Variants in HCFC1 observed in about 807,000 individuals in gnomAD.
The protein encoded by HCFC1 is host cell factor 1.
In HCFC1, 7 loss-of-function variants were observed where a neutral mutation model predicts 105.5. That is an observed-to-expected ratio of 0.07 (90% CI 0.04 to 0.12). HCFC1 has a LOEUF of 0.12. Among genes scored for constraint, HCFC1 ranks in the 10% least tolerant of loss-of-function variants. The pLI, the probability that HCFC1 is intolerant of heterozygous loss-of-function variation, is 1.00. For missense variants in HCFC1, 1,065 were observed against 1,823.6 expected, an observed-to-expected ratio of 0.58 and a Z score of 7.58; for synonymous variants, 918 against 828.1, an observed-to-expected ratio of 1.11 and a Z score of -1.86.
chrX:153,951,914 C>G lies in HCFC1; in HGVS notation c.5187G>C (p.Glu1729Asp). The G allele has an allele frequency of 8.4e-7, 1 of 1,190,696 alleles. No individual in the cohort carries two copies. The highest frequency in any genetic ancestry group is 1.1e-6 in the Non-Finnish European group (1 of 883,452). The change falls in exon 20 of 26, where the codon GAG becomes GAC. Residue 1729 changes from glutamate to aspartate, a missense_variant. Transcript: ENST00000310441. ...PADSLNDPAI[E>D]SNCLNELAGT... ...CGGCCAGCTCATTGAGGCAATTGCT[C>G]TCAATGGCTGGGTCGTTGAGACTGT... is the stretch of plus-strand genomic sequence containing the variant.
In HCFC1 at chrX:153,952,465, A is replaced by G. The variant is rs781923195; in HGVS notation, c.4942+49T>C. On this transcript the variant is annotated intron_variant, in intron 19 of 25. Transcript: ENST00000310441. ...TCTTCCCAGGCTGTCTCCGCGGCCTATTGCTCCCCCGAGCGGCCCGGCTTC... is the reference window on the plus strand; with the variant it reads ...TCTTCCCAGGCTGTCTCCGCGGCCTGTTGCTCCCCCGAGCGGCCCGGCTTC... 4.6e-6 allele frequency: 5 copies of G among 1,095,352 alleles called. No homozygotes were observed. The Admixed American group carries it at 1.2e-4, about 26-fold the overall frequency. The allele number at this position is 1,095,352 out of a possible 1,213,427, so 90.3% of individuals were successfully genotyped here.
At chrX:153,958,852 G>T in intron 9 of HCFC1, 86 bp from the exon 10 acceptor site, 1 of 715,593 alleles carries the variant, frequency 1.4e-6, no homozygotes. Context: ...CTGCCCAGGG[G>T]CTGCCCTGCT....
At chrX:153,965,645 C>T (rs1557118192) in intron 1 of HCFC1, among the ~76,000 whole-genome samples, 1 of 112,360 alleles carries the variant, frequency 8.9e-6, no homozygotes, top group Non-Finnish European at 1.9e-5. Flanking sequence ...GGTGAGATCT[C>T]AGCAAGCAGA....
intron 1 of HCFC1, among the ~76,000 whole-genome samples, chrX:153,968,767 G>A (rs1286791268): frequency 8.9e-6 from 1 of 112,973 alleles, no homozygotes; most frequent in Non-Finnish European, 1.9e-5. Flanking sequence ...TTCTAAAATT[G>A]CATTTCCCTG....
At chrX:153,953,843 C>T (rs2065341168) in intron 17 of HCFC1, 73 bp from the exon 18 acceptor site, 3 of 1,052,114 alleles carry the variant, frequency 2.9e-6, no homozygotes, top group Non-Finnish European at 3.8e-6. Context: ...CCACCACAGG[C>T]TTCCTCTACC....
At chrX:153,960,491 T>C (rs1178552752) in intron 6 of HCFC1, 77 bp from the exon 7 acceptor site, 1 of 703,621 alleles carries the variant, frequency 1.4e-6, no homozygotes, top group African/African-American at 2.2e-5. Flanking sequence ...TTGGTTCTTT[T>C]GTTGTCAAGG....
At chrX:153,957,675 G>A (rs1382114929) in intron 12 of HCFC1, 107 bp downstream of exon 12, 31 of 769,003 alleles carry the variant, frequency 4.0e-5, no homozygotes, top group Non-Finnish European at 4.9e-5. Context: ...AGAACTTGCT[G>A]AGCCATGTGT....
chrX:153,954,404 G>C lies in HCFC1; in HGVS notation c.3995C>G (p.Thr1332Arg). Reference protein sequence around the residue: ...CETHETGTTHTATTATSNGGT... With the variant: ...CETHETGTTHRATTATSNGGT... The stretch of plus-strand genomic sequence containing the variant: ...CCCGTTTGAAGTAGCGGTGGTGGCC[G>C]TGTGGGTGGTGCCCGTCTCGTGGGT... The change falls in exon 17 of 26, where the codon ACG becomes AGG. Residue 1332 changes from threonine to arginine, a missense_variant. Physicochemically the swap from Thr to Arg is moderately conservative, Grantham distance 71. Transcript: ENST00000310441. 2 of 1,211,308 alleles carry C rather than the reference G, an allele frequency of 1.7e-6. No homozygotes were observed. Among genetic ancestry groups the C allele is most frequent in the Non-Finnish European group, 2.2e-6 (2 of 895,024 alleles).
Position 153,953,062 on chromosome X carries a change from G to T in HCFC1, c.4498-104C>A, listed in dbSNP as rs1046659239. On this transcript the variant is annotated intron_variant, in intron 18 of 25. Coordinates refer to ENST00000310441, the MANE Select transcript of HCFC1 (RefSeq NM_005334.3). Reference sequence around the variant, plus strand: ...GGGGACTTCAGTAGTCAGAGCCCTTGGGGCAGTCTCAGTCATTGATGAGAT... The same window carrying T: ...GGGGACTTCAGTAGTCAGAGCCCTTTGGGCAGTCTCAGTCATTGATGAGAT... The T allele has an allele frequency of 6.1e-6, 4 of 650,569 alleles. No homozygotes were observed. The Admixed American group carries it at 1.1e-4, about 17-fold the overall frequency. The allele number at this position is 650,569 out of a possible 1,213,427, so 53.6% of individuals were successfully genotyped here.
intron 16 of HCFC1, 37 bp from the exon 17 acceptor site, chrX:153,955,579 G>A (rs782654683): frequency 2.3e-5 from 26 of 1,144,254 alleles, no homozygotes; most frequent in Admixed American, 1.0e-4. Flanking sequence ...TAGTGCTGCA[G>A]CTGGCTGTCT....
rs17422 is a variant in HCFC1, at chrX:153,961,975, A to G, written c.797+247T>C. Reference sequence around the variant, plus strand: ...GGACCTAGAACACTCTGTACCTGATAGGGCGGAGCCTCACAGGCCCGGGGA... The same window carrying G: ...GGACCTAGAACACTCTGTACCTGATGGGGCGGAGCCTCACAGGCCCGGGGA... On this transcript the variant is annotated intron_variant, in intron 5 of 25. Transcript: ENST00000310441. Among the ~76,000 whole-genome samples, 42,508 of 111,255 alleles carry G rather than the reference A, an allele frequency of 0.38. 8,004 individuals are homozygous for G. The highest frequency in any genetic ancestry group is 0.76 in the East Asian group (2,651 of 3,493).
intron 5 of HCFC1, 112 bp downstream of exon 5, chrX:153,962,110 A>G: frequency 1.8e-6 from 1 of 548,185 alleles, no homozygotes; most frequent in Non-Finnish European, 3.0e-6. Flanking sequence ...GCCCAGCCAG[A>G]AAGAGGCATC....
At position 153,954,805 on chromosome X, in the gene HCFC1, T is replaced by C. The variant is rs1557114103; in HGVS notation, c.3594A>G (p.Ala1198=). The C allele has an allele frequency of 8.6e-7, 1 of 1,163,278 alleles. No homozygotes were observed. The highest frequency in any genetic ancestry group is 2.6e-5 in the Admixed American group (1 of 38,608). ...SAGPLLGPSM[A]REPGGRSPAF... ...CAGGGCTGCGGCCCCCGGGCTCCCG[T>C]GCCATGCTCGGCCCAAGGAGTGGGC... Residue 1198 remains alanine, a synonymous_variant, in exon 17 of 26, where the codon GCA becomes GCG. Coordinates refer to ENST00000310441, the MANE Select transcript of HCFC1 (RefSeq NM_005334.3).
Position 153,971,555 on chromosome X carries a change from T to A in HCFC1, c.-715A>T. The A allele has an allele frequency of 3.4e-6, 1 of 294,427 alleles. No homozygotes were observed. The highest frequency in any genetic ancestry group is 5.9e-6 in the Non-Finnish European group (1 of 168,715). The allele number at this position is 294,427 out of a possible 1,213,427, so 24.3% of individuals were successfully genotyped here. On this transcript the variant is annotated 5_prime_UTR_variant, in exon 1 of 26. Coordinates refer to ENST00000310441, the MANE Select transcript of HCFC1 (RefSeq NM_005334.3). ...GCCTCTCCCCTTAGTCCGCCTCTGCTGCTCAGGCTGCGCCTGCCGCCGTGG... is the reference window on the plus strand; with the variant it reads ...GCCTCTCCCCTTAGTCCGCCTCTGCAGCTCAGGCTGCGCCTGCCGCCGTGG...
In HCFC1 at chrX:153,953,056, G is replaced by A. The variant is rs782296444; in HGVS notation, c.4498-98C>T. ...CGGGATGGGGACTTCAGTAGTCAGAGCCCTTGGGGCAGTCTCAGTCATTGA... is the reference window on the plus strand; with the variant it reads ...CGGGATGGGGACTTCAGTAGTCAGAACCCTTGGGGCAGTCTCAGTCATTGA... On this transcript the variant is annotated intron_variant, in intron 18 of 25. Coordinates refer to ENST00000310441, the MANE Select transcript of HCFC1 (RefSeq NM_005334.3). The A allele has an allele frequency of 2.3e-5, 15 of 663,422 alleles. No homozygotes were observed. The highest frequency in any genetic ancestry group is 3.4e-5 in the Non-Finnish European group (14 of 414,825). The allele number at this position is 663,422 out of a possible 1,213,427, so 54.7% of individuals were successfully genotyped here. A position where few individuals can be genotyped will look rare whatever the true frequency, so the allele number is the denominator to read the frequency against.
In HCFC1 at chrX:153,957,058, C is replaced by A; in HGVS notation, c.2356G>T (p.Val786Leu). The A allele has an allele frequency of 8.3e-7, 1 of 1,207,600 alleles. No individual in the cohort carries two copies. The highest frequency in any genetic ancestry group is 1.7e-5 in the African/African-American group (1 of 57,706). The change falls in exon 14 of 26, where the codon GTG becomes TTG. Residue 786 changes from valine to leucine, a missense_variant and splice_region_variant. Coordinates refer to ENST00000310441, the MANE Select transcript of HCFC1 (RefSeq NM_005334.3). ...AIITQAGATGVTSSPGIKSPI... is the reference protein window; with the variant it reads ...AIITQAGATGLTSSPGIKSPI... ...GACTTGATGCCAGGACTGCTGGTCA[C>A]ACCTGGATGGGAGAGTGGGGCCCAG...
intron 1 of HCFC1, among the ~76,000 whole-genome samples, chrX:153,967,850 G>A (rs1221365241): frequency 1.8e-5 from 2 of 111,682 alleles, no homozygotes; most frequent in South Asian, 3.7e-4. Context: ...GGTGTGGAAG[G>A]GGACACATTT....
At chrX:153,970,028 A>C (rs1235811109) in intron 1 of HCFC1, 1 of 111,926 alleles carries the variant, frequency 8.9e-6, no homozygotes, top group South Asian at 3.7e-4. Context: ...CGGATGTTAA[A>C]CTCTGCGTCC....
intron 10 of HCFC1, 75 bp from the exon 11 acceptor site, chrX:153,958,324 G>T: frequency 1.2e-6 from 1 of 839,713 alleles, no homozygotes; most frequent in Non-Finnish European, 1.7e-6. Flanking sequence ...TCCACGGTGG[G>T]CCCATAGCTC....
Sources: allele counts gnomAD v4.1 joint callset (sites outside exome capture counted in the v4.1 genomes callset), GRCh38; gene constraint gnomAD v4.1.1; transcripts MANE v1.5; gene names NCBI Gene and HGNC (gene_info 2026-07-23, HGNC 2026-07-21).